CTNNA2: variants seen among roughly 807,000 people sequenced by gnomAD.
CTNNA2 encodes catenin alpha 2, also known as catenin alpha-2.
CTNNA2 carries 42 observed loss-of-function variants against 101.0 expected under a neutral mutation model. The ratio of observed to expected loss-of-function variants is 0.42; its 90% CI spans 0.32 to 0.54. CTNNA2 has a LOEUF of 0.54. CTNNA2 is among the 20% of genes least tolerant of loss of function. CTNNA2 has a pLI of 0.14. For missense variants in CTNNA2, 871 were observed against 1,223.1 expected (o/e 0.71, Z 4.29); for synonymous variants, 450 against 456.4 (o/e 0.99, Z 0.18).
At chr2:79,514,575 T>C (rs1027417208) in intron 1 of CTNNA2, 1 of 152,254 alleles carries the variant, frequency 6.6e-6, no homozygotes, top group Non-Finnish European at 1.5e-5. Flanking sequence ...TACATGTTAT[T>C]GGCAATTTGA....
At chr2:79,980,595 A>G (rs1201297710) in intron 7 of CTNNA2, among the ~76,000 whole-genome samples, 1 of 152,150 alleles carries the variant, frequency 6.6e-6, no homozygotes, top group Non-Finnish European at 1.5e-5. Context: ...TATAAACCTC[A>G]TTATAATTAT....
chr2:80,467,334 C>T (rs72823703), intron 9 of CTNNA2, among the ~76,000 whole-genome samples: 223 of 152,292 alleles, frequency 1.5e-3, no homozygotes, highest in Non-Finnish European at 2.6e-3. Flanking sequence ...AAAGTCTCTA[C>T]ACTAATTGAC....
At chr2:80,373,224 T>C (rs1675617031) in intron 7 of CTNNA2, among the ~76,000 whole-genome samples, 1 of 152,038 alleles carries the variant, frequency 6.6e-6, no homozygotes, top group Admixed American at 6.6e-5. Context: ...TGTTAATTAG[T>C]GGAGTGAATG....
chr2:80,023,992 C>T (rs990326533), intron 7 of CTNNA2, among the ~76,000 whole-genome samples: 1 of 148,362 alleles, frequency 6.7e-6, no homozygotes, highest in Admixed American at 6.9e-5. Context: ...GAGGCCGAGG[C>T]GGGAGAACGG....
At chr2:79,999,739 G>T (rs950078639) in intron 7 of CTNNA2, among the ~76,000 whole-genome samples, 1 of 152,120 alleles carries the variant, frequency 6.6e-6, no homozygotes, top group African/African-American at 2.4e-5. Context: ...TATGAGCCCA[G>T]TACAGCTCAA....
chr2:79,540,735 G>A (rs960712403), intron 1 of CTNNA2, among the ~76,000 whole-genome samples: 4 of 151,980 alleles, frequency 2.6e-5, no homozygotes, highest in Admixed American at 6.6e-5. Context: ...TAATGAAGTC[G>A]CTTATACATT....
intron 2 of CTNNA2, among the ~76,000 whole-genome samples, chr2:79,675,804 T>C (rs962490989): frequency 6.6e-6 from 1 of 152,254 alleles, no homozygotes; most frequent in Non-Finnish European, 1.5e-5. Flanking sequence ...AATATGTTTC[T>C]GACCCTGTTA....
chr2:80,349,303 C>T (rs1032520735), intron 7 of CTNNA2, among the ~76,000 whole-genome samples: 12 of 152,262 alleles, frequency 7.9e-5, no homozygotes, highest in Middle Eastern at 3.4e-3. Flanking sequence ...CTCCCAATGG[C>T]TTCATGTTTC....
At chr2:80,505,614 A>G (rs1228772627) in intron 9 of CTNNA2, among the ~76,000 whole-genome samples, 4 of 152,302 alleles carry the variant, frequency 2.6e-5, no homozygotes, top group Middle Eastern at 3.4e-3. Context: ...ATTAGGGGTG[A>G]TATCTAAAGT....
intron 7 of CTNNA2, among the ~76,000 whole-genome samples, chr2:80,243,608 G>T (rs1444712683): frequency 5.3e-5 from 8 of 152,102 alleles, no homozygotes; most frequent in Admixed American, 5.2e-4. Context: ...GATGGTGATG[G>T]ATGCTGAGCA....
chr2:80,563,166 G>C (rs1054276910), intron 12 of CTNNA2, among the ~76,000 whole-genome samples: 4 of 152,272 alleles, frequency 2.6e-5, no homozygotes, highest in Admixed American at 2.6e-4. Context: ...AGCATCTGTG[G>C]TAATGGCAGT....
intron 9 of CTNNA2, among the ~76,000 whole-genome samples, chr2:80,463,165 TC>T (rs1389903292): frequency 6.6e-6 from 1 of 152,182 alleles, no homozygotes; most frequent in Non-Finnish European, 1.5e-5. Context: ...GTCTGACAAA[TC>T]CCCTGCTCCA....
intron 1 of CTNNA2, among the ~76,000 whole-genome samples, chr2:79,548,963 A>C (rs1167503851): frequency 6.6e-6 from 1 of 152,098 alleles, no homozygotes. Context: ...ACCCACATAG[A>C]AATGTCTTTC....
chr2:80,000,700 G>T (rs1692883597), intron 7 of CTNNA2, among the ~76,000 whole-genome samples: 1 of 152,134 alleles, frequency 6.6e-6, no homozygotes. Context: ...GTACAGTGAT[G>T]ATCTTGAATT....
intron 1 of CTNNA2, among the ~76,000 whole-genome samples, chr2:79,577,932 T>G (rs1243143174): frequency 6.6e-6 from 1 of 152,302 alleles, no homozygotes; most frequent in South Asian, 2.1e-4. Flanking sequence ...TTTTTATAAA[T>G]TCATTTGATA....
At chr2:80,252,641 C>T (rs917928599) in intron 7 of CTNNA2, among the ~76,000 whole-genome samples, 1 of 152,154 alleles carries the variant, frequency 6.6e-6, no homozygotes, top group South Asian at 2.1e-4. Context: ...AGAAAGTGAA[C>T]TGTTGACATG....
chr2:80,249,400 T>G (rs754203442), intron 7 of CTNNA2, among the ~76,000 whole-genome samples: 9 of 152,158 alleles, frequency 5.9e-5, no homozygotes, highest in Non-Finnish European at 1.0e-4. Flanking sequence ...CAATATTGCT[T>G]TGCGAAGGGA....
intron 3 of CTNNA2, among the ~76,000 whole-genome samples, chr2:79,801,053 T>C (rs1676115075): frequency 6.6e-6 from 1 of 152,212 alleles, no homozygotes; most frequent in South Asian, 2.1e-4. Context: ...GCAAAGGTAA[T>C]AGTAGTTTAT....
At chr2:80,557,588 G>A (rs1693156451) in intron 12 of CTNNA2, among the ~76,000 whole-genome samples, 1 of 152,110 alleles carries the variant, frequency 6.6e-6, no homozygotes. Context: ...CTCATGACTG[G>A]TGGGAAGGAC....
Sources: allele counts gnomAD v4.1 joint callset (sites outside exome capture counted in the v4.1 genomes callset), GRCh38; gene constraint gnomAD v4.1.1; transcripts MANE v1.5; gene names NCBI Gene and HGNC (gene_info 2026-07-23, HGNC 2026-07-21).